Variants in MYO16 observed in about 807,000 individuals in gnomAD.
MYO16 encodes the protein unconventional myosin-XVI.
Under a neutral mutation model 205.3 loss-of-function variants are expected in MYO16, and 94 were observed. The observed-to-expected ratio is 0.46, with a 90% CI of 0.39 to 0.54. MYO16 has a LOEUF of 0.54. Among genes scored for constraint, MYO16 ranks in the 20% least tolerant of loss-of-function variants. The pLI is 0.00. For synonymous variants in MYO16, 988 were observed against 954.0 expected (o/e 1.04, Z -0.66); for missense variants, 2,315 against 2,387.5 (o/e 0.97, Z 0.63).
rs530930392 is a variant in MYO16 at position 108,698,890 on chromosome 13, C to T, written c.293-13771C>T. Among the ~76,000 whole-genome samples, 3 of 152,220 alleles carry T rather than the reference C, an allele frequency of 2.0e-5. No homozygotes were observed. In the South Asian group the frequency reaches 6.2e-4, roughly 32 times the overall value. On this transcript the variant is annotated intron_variant, in intron 2 of 34. Coordinates refer to ENST00000457511, the MANE Select transcript of MYO16 (RefSeq NM_001198950.3). ...CCTTATTTCTCACAATAATATCATA[C>T]TTTCATCACAGTTTTACAAATGAGG...
chr13:108,901,845 G>A lies in MYO16; in HGVS notation c.1777+3712G>A, dbSNP rs11616206. Among the ~76,000 whole-genome samples, 900 of 152,236 alleles carry A rather than the reference G, an allele frequency of 5.9e-3. 1 individual carries two copies. Among genetic ancestry groups the A allele is most frequent in the Non-Finnish European group, 9.3e-3 (630 of 68,010 alleles). The stretch of plus-strand genomic sequence containing the variant: ...CAAAGCTAGTGCTGAGATTGCATTC[G>A]TAGAAGTCTACCACCTAGATCATAA... On this transcript the variant is annotated intron_variant, in intron 15 of 34. Coordinates refer to ENST00000457511, the MANE Select transcript of MYO16 (RefSeq NM_001198950.3).
the MYO16 span, among the ~76,000 whole-genome samples, chr13:108,525,884 T>G: frequency 6.6e-6 from 1 of 152,116 alleles, no homozygotes; most frequent in Non-Finnish European, 1.5e-5. Flanking sequence ...CAAATGATCC[T>G]TTTTTTTCTT....
chr13:108,619,356 C>T (rs573571598), intron 1 of MYO16, among the ~76,000 whole-genome samples: 2 of 152,268 alleles, frequency 1.3e-5, no homozygotes, highest in East Asian at 3.9e-4. Context: ...ATTCGGTTCC[C>T]TGCTATACTC....
chr13:108,648,115 T>A (rs1304763100), intron 1 of MYO16, among the ~76,000 whole-genome samples: 1 of 152,220 alleles, frequency 6.6e-6, no homozygotes, highest in Non-Finnish European at 1.5e-5. Flanking sequence ...CTGCTTTACA[T>A]CAACTTTTCA....
At chr13:108,568,820 G>A in the MYO16 span, among the ~76,000 whole-genome samples, 53 of 151,968 alleles carry the variant, frequency 3.5e-4, no homozygotes, top group African/African-American at 1.2e-3. Context: ...AGAGTTTTGC[G>A]GTTTTGTCCT....
At chr13:109,206,501 C>T in intron 34 of MYO16, 108 bp from the exon 35 acceptor site, 2 of 817,910 alleles carry the variant, frequency 2.4e-6, no homozygotes, top group Admixed American at 2.3e-5. Context: ...GAGGCTGCCT[C>T]TTTCAGCACC....
At position 108,710,062 on chromosome 13, in the gene MYO16, C is replaced by T. The variant is rs1268552627; in HGVS notation, c.293-2599C>T. ...GGACCTTCAAAGAGCTTGAGTGTAG[C>T]CCTGCTCTCATTCCTGGGCATTCCT... On this transcript the variant is annotated intron_variant, in intron 2 of 34. Coordinates refer to ENST00000457511, the MANE Select transcript of MYO16 (RefSeq NM_001198950.3). 3.9e-5 allele frequency among the ~76,000 whole-genome samples: 3 copies of T among 77,690 alleles called. 1 individual carries two copies. The highest frequency in any genetic ancestry group is 1.4e-4 in the African/African-American group (3 of 21,032). 51.0% of individuals were successfully genotyped at this position (77,690 alleles called of 152,430 possible).
At chr13:108,962,839 C>T (rs1883640510) in intron 19 of MYO16, among the ~76,000 whole-genome samples, 1 of 152,210 alleles carries the variant, frequency 6.6e-6, no homozygotes, top group African/African-American at 2.4e-5. Flanking sequence ...TTCCTGCTAC[C>T]TCATTGGTTA....
At chr13:109,155,378 A>C (rs979699712) in intron 32 of MYO16, among the ~76,000 whole-genome samples, 4 of 152,190 alleles carry the variant, frequency 2.6e-5, no homozygotes, top group Non-Finnish European at 5.9e-5. Flanking sequence ...GATCTACTCC[A>C]GGGTGGTGAT....
At chr13:108,770,602 C>T (rs999721057) in intron 4 of MYO16, among the ~76,000 whole-genome samples, 13 of 152,138 alleles carry the variant, frequency 8.5e-5, no homozygotes, top group South Asian at 2.1e-4. Flanking sequence ...CTCAAAGTTA[C>T]CACCTCATAA....
At chr13:108,725,204 G>A (rs1884297973) in intron 3 of MYO16, among the ~76,000 whole-genome samples, 1 of 151,752 alleles carries the variant, frequency 6.6e-6, no homozygotes, top group African/African-American at 2.4e-5. Flanking sequence ...CTGAACATAG[G>A]GAATATAGTT....
intron 31 of MYO16, among the ~76,000 whole-genome samples, chr13:109,130,226 C>T (rs1594110435): frequency 6.6e-6 from 1 of 152,110 alleles, no homozygotes; most frequent in African/African-American, 2.4e-5. Context: ...TTCTTGGATC[C>T]TAATTTTGTC....
intron 1 of MYO16, among the ~76,000 whole-genome samples, chr13:108,599,908 C>G (rs1878703139): frequency 2.0e-5 from 3 of 152,230 alleles, no homozygotes; most frequent in Admixed American, 2.0e-4. Context: ...TCACAAAGGC[C>G]ATTTGTGAGC....
intron 20 of MYO16, among the ~76,000 whole-genome samples, chr13:108,988,439 CT>C (rs71684157): frequency 0.052 from 7,738 of 148,826 alleles, 255 homozygotes; most frequent in African/African-American, 0.086. Flanking sequence ...ATGGAATTTT[CT>C]TTTTTTTTTA....
At chr13:108,855,792 G>A (rs894676630) in intron 11 of MYO16, among the ~76,000 whole-genome samples, 1 of 152,176 alleles carries the variant, frequency 6.6e-6, no homozygotes, top group Non-Finnish European at 1.5e-5. Context: ...ACAGACACAA[G>A]TACTGCTATT....
At chr13:108,886,295 G>A (rs910239426) in intron 13 of MYO16, 3 of 401,322 alleles carry the variant, frequency 7.5e-6, no homozygotes, top group African/African-American at 4.2e-5. Context: ...CCCTCCTTTG[G>A]GTCATTTTTT....
intron 27 of MYO16, among the ~76,000 whole-genome samples, chr13:109,064,257 A>G (rs1186496922): frequency 6.6e-6 from 1 of 152,192 alleles, no homozygotes; most frequent in Non-Finnish European, 1.5e-5. Flanking sequence ...TTTACAGGAA[A>G]AGTTTGCTTA....
intron 33 of MYO16, among the ~76,000 whole-genome samples, chr13:109,172,457 C>T (rs1054912838): frequency 6.6e-6 from 1 of 152,148 alleles, no homozygotes; most frequent in Admixed American, 6.5e-5. Context: ...TACATTTTCT[C>T]CACTGCAGTT....
upstream of MYO16, among the ~76,000 whole-genome samples, chr13:108,626,963 T>G (rs908675994): frequency 1.4e-5 from 2 of 145,538 alleles, no homozygotes; most frequent in African/African-American, 5.0e-5. Flanking sequence ...GTATATAATA[T>G]ATATATTATA....
Sources: allele counts gnomAD v4.1 joint callset (sites outside exome capture counted in the v4.1 genomes callset), GRCh38; gene constraint gnomAD v4.1.1; transcripts MANE v1.5; gene names NCBI Gene and HGNC (gene_info 2026-07-23, HGNC 2026-07-21).